The following SSH2 variants were observed in gnomAD, a reference collection of about 807,000 sequenced individuals.
SSH2 encodes slingshot protein phosphatase 2, also known as protein phosphatase Slingshot homolog 2.
In SSH2, 37 loss-of-function variants were observed where a neutral mutation model predicts 135.2. The observed-to-expected ratio is 0.27, with a 90% confidence interval of 0.21 to 0.36. The LOEUF (loss-of-function observed/expected upper bound fraction) is 0.36. Ranked by LOEUF, SSH2 falls within the 10% of genes least tolerant of loss-of-function variation. SSH2 has a pLI of 1.00. For synonymous variants in SSH2, 628 were observed against 646.2 expected (o/e 0.97, Z 0.43); for missense variants, 1,408 against 1,765.3 (o/e 0.80, Z 3.63).
At chr17:29,706,071 A>G (rs1003193329) in intron 3 of SSH2, among the ~76,000 whole-genome samples, 1 of 152,174 alleles carries the variant, frequency 6.6e-6, no homozygotes, top group African/African-American at 2.4e-5. Flanking sequence ...GGATGAATGA[A>G]TTTATCCCAG....
At chr17:29,849,348 C>T (rs1489498070) in intron 1 of SSH2, among the ~76,000 whole-genome samples, 2 of 151,672 alleles carry the variant, frequency 1.3e-5, no homozygotes, top group African/African-American at 4.8e-5. Flanking sequence ...GTGTGGTGGC[C>T]GGTGCCTGTA....
chr17:29,684,007 C>CTT (rs147626558), intron 6 of SSH2, among the ~76,000 whole-genome samples: 2,130 of 152,144 alleles, frequency 0.014, 44 homozygotes, highest in African/African-American at 0.046. Flanking sequence ...AAACCACTTG[C>CTT]TTTATATTGT....
At chr17:29,700,016 C>T (rs2038912788) in intron 4 of SSH2, among the ~76,000 whole-genome samples, 1 of 152,112 alleles carries the variant, frequency 6.6e-6, no homozygotes, top group Non-Finnish European at 1.5e-5. Context: ...TCTGAGCTGC[C>T]ACAGTTGCAA....
chr17:29,718,214 TATTCCTTCACATTCTC>T (rs887720891), intron 3 of SSH2, among the ~76,000 whole-genome samples: 7 of 152,188 alleles, frequency 4.6e-5, no homozygotes, highest in African/African-American at 9.7e-5. Context: ...TGTTTCTGAC[TATTCCTTCACATTCTC>T]ATTTGTGGGC....
chr17:29,843,911 A>G lies in SSH2; in HGVS notation c.144+4938T>C, dbSNP rs537253314. On this transcript the variant is annotated intron_variant, in intron 2 of 15. Transcript: ENST00000540801. ...GTTAAAAATCCCATAGAAGCTGATT[A>G]TCAACAAGGATATTGTATTCTGAGA... Among the ~76,000 whole-genome samples the G allele has an allele frequency of 3.3e-5, 5 of 152,352 alleles. No individual in the cohort carries two copies. The East Asian group carries it at 9.6e-4, about 29-fold the overall frequency.
intron 1 of SSH2, 26 bp downstream of exon 1, chr17:29,929,912 C>A (rs770322310): frequency 1.3e-6 from 2 of 1,573,378 alleles, no homozygotes; most frequent in South Asian, 2.3e-5. Context: ...CAGAAGCAAG[C>A]GGAGCGGCCG....
intron 6 of SSH2, among the ~76,000 whole-genome samples, chr17:29,680,675 C>T (rs2037940328): frequency 6.6e-6 from 1 of 150,980 alleles, no homozygotes; most frequent in Admixed American, 6.6e-5. Flanking sequence ...AGCTACCATG[C>T]CAGAGTCCAG....
chr17:29,783,465 A>G (rs1819521248), intron 3 of SSH2, among the ~76,000 whole-genome samples: 1 of 151,930 alleles, frequency 6.6e-6, no homozygotes, highest in Non-Finnish European at 1.5e-5. Context: ...CTTGCAGTCC[A>G]ATGTTTGAGG....
chr17:29,729,238 A>G (rs946043612), intron 3 of SSH2, among the ~76,000 whole-genome samples: 3 of 152,230 alleles, frequency 2.0e-5, no homozygotes, highest in Non-Finnish European at 4.4e-5. Context: ...GGGTCTGAAT[A>G]GACATTTCTC....
At chr17:29,638,243 G>C (rs1328840706) in intron 14 of SSH2, among the ~76,000 whole-genome samples, 1 of 149,726 alleles carries the variant, frequency 6.7e-6, no homozygotes, top group Non-Finnish European at 1.5e-5. Flanking sequence ...CTGTGGAGCT[G>C]TTAAAAGCTG....
intron 3 of SSH2, among the ~76,000 whole-genome samples, chr17:29,764,751 A>C (rs769080448): frequency 6.6e-6 from 1 of 152,232 alleles, no homozygotes; most frequent in Non-Finnish European, 1.5e-5. Flanking sequence ...CTATGACCAA[A>C]TTAAGTTTTT....
intron 2 of SSH2, among the ~76,000 whole-genome samples, chr17:29,814,432 C>CAAA (rs1179862061): frequency 0.029 from 1,124 of 38,940 alleles, 93 homozygotes; most frequent in African/African-American, 0.046. Context: ...GACTCTGTCT[C>CAAA]AAAAAAAAAA....
chr17:29,837,609 C>A lies in SSH2; in HGVS notation c.144+11240G>T, dbSNP rs373571689. ...CCCACCCTCGCACGGCTGGTCAGGA[C>A]CCACTCTCCCAGGCCCAGAGCCTCT... is the stretch of plus-strand genomic sequence containing the variant. On this transcript the variant is annotated intron_variant, in intron 2 of 15. Coordinates refer to ENST00000540801, the MANE Select transcript of SSH2 (RefSeq NM_001282129.2). Among the ~76,000 whole-genome samples, 16 of 152,286 alleles carry A rather than the reference C, an allele frequency of 1.1e-4. No homozygotes were observed. The East Asian group carries it at 1.4e-3, about 13-fold the overall frequency.
At chr17:29,725,547 A>C (rs1442728524) in intron 3 of SSH2, among the ~76,000 whole-genome samples, 1 of 152,138 alleles carries the variant, frequency 6.6e-6, no homozygotes, top group African/African-American at 2.4e-5. Context: ...GCACATATAC[A>C]CCATGGAATA....
intron 3 of SSH2, among the ~76,000 whole-genome samples, chr17:29,703,639 G>A (rs369475766): frequency 2.6e-5 from 3 of 116,920 alleles, no homozygotes; most frequent in South Asian, 2.8e-4. Flanking sequence ...GCAGTGGTGC[G>A]ATCTCGGCTC....
chr17:29,741,461 G>A (rs1247072686), intron 3 of SSH2, among the ~76,000 whole-genome samples: 2 of 152,022 alleles, frequency 1.3e-5, no homozygotes, highest in Non-Finnish European at 1.5e-5. Flanking sequence ...TTCAACAATC[G>A]GATTGAATAT....
At chr17:29,859,992 G>T (rs1235452479) in intron 1 of SSH2, among the ~76,000 whole-genome samples, 2 of 151,998 alleles carry the variant, frequency 1.3e-5, no homozygotes, top group African/African-American at 4.8e-5. Context: ...GATTACAGGT[G>T]CCCACCACCA....
At chr17:29,900,087 A>C (rs2066520441) in intron 1 of SSH2, among the ~76,000 whole-genome samples, 1 of 152,260 alleles carries the variant, frequency 6.6e-6, no homozygotes, top group African/African-American at 2.4e-5. Flanking sequence ...ATATGTAGAA[A>C]GATGAAACTG....
At chr17:29,653,752 A>C (rs916405985) in intron 12 of SSH2, among the ~76,000 whole-genome samples, 33 of 151,984 alleles carry the variant, frequency 2.2e-4, no homozygotes, top group African/African-American at 5.6e-4. Flanking sequence ...ACACCTAGCT[A>C]ATTTTTTGTA....
Sources: allele counts gnomAD v4.1 joint callset (sites outside exome capture counted in the v4.1 genomes callset), GRCh38; gene constraint gnomAD v4.1.1; transcripts MANE v1.5; gene names NCBI Gene and HGNC (gene_info 2026-07-23, HGNC 2026-07-21).